SDK1: variants seen among roughly 807,000 people sequenced by gnomAD.
SDK1 encodes the protein protein sidekick-1.
Under a neutral mutation model 245.5 loss-of-function variants are expected in SDK1, and 157 were observed. That is an observed-to-expected ratio of 0.64 (90% CI 0.56 to 0.73). The LOEUF (loss-of-function observed/expected upper bound fraction) is 0.73, where lower values mean the gene tolerates loss of function less well. SDK1 is among the 30% of genes least tolerant of loss of function. The probability of loss-of-function intolerance (pLI) is 0.00; values close to 1 mark genes in which losing one functional copy is unlikely to be tolerated. For synonymous variants in SDK1, 1,647 were observed against 1,278.5 expected (o/e 1.29, Z -6.15); for missense variants, 3,583 against 3,002.3 (o/e 1.19, Z -4.52).
At chr7:3,677,538 A>T (rs1783943899) in intron 4 of SDK1, among the ~76,000 whole-genome samples, 1 of 152,176 alleles carries the variant, frequency 6.6e-6, no homozygotes, top group Admixed American at 6.5e-5. Context: ...TCACTACCAC[A>T]AGAATGGTAT....
chr7:3,417,088 C>A (rs868031042), intron 1 of SDK1, among the ~76,000 whole-genome samples: 1 of 152,078 alleles, frequency 6.6e-6, no homozygotes, highest in Non-Finnish European at 1.5e-5. Flanking sequence ...GCAGGAGAAT[C>A]CCCTGAACCC....
intron 5 of SDK1, among the ~76,000 whole-genome samples, chr7:3,887,410 T>C (rs10267786): frequency 0.22 from 33,016 of 152,112 alleles, 3,724 homozygotes; most frequent in Middle Eastern, 0.34. Flanking sequence ...CGTGGAGTAT[T>C]AGTGAACATG....
chr7:4,106,243 T>C (rs7777463), intron 22 of SDK1, among the ~76,000 whole-genome samples: 19,363 of 151,664 alleles, frequency 0.13, 2,106 homozygotes, highest in African/African-American at 0.3. Flanking sequence ...GCTCTCCTGG[T>C]GGGAAAGGAT....
At chr7:3,566,019 T>C (rs1583172697) in intron 1 of SDK1, among the ~76,000 whole-genome samples, 2 of 152,044 alleles carry the variant, frequency 1.3e-5, no homozygotes, top group Non-Finnish European at 1.5e-5. Flanking sequence ...ACGAAAGCAA[T>C]ATAATATCTA....
chr7:4,163,062 C>T lies in SDK1; in HGVS notation c.4800+1206C>T, dbSNP rs540700224. On this transcript the variant is annotated intron_variant, in intron 32 of 44. Coordinates refer to ENST00000404826, the MANE Select transcript of SDK1 (RefSeq NM_152744.4). ...GAGCTTGGCCTGGCAGCAGACACAA[C>T]AGATGGACAGGCAGGGGGCCAAGCA... 5.3e-5 allele frequency among the ~76,000 whole-genome samples: 8 copies of T among 152,290 alleles called. No homozygotes were observed. In the East Asian group the frequency reaches 1.5e-3, roughly 29 times the overall value.
chr7:3,355,325 A>G (rs1443848303), intron 1 of SDK1, among the ~76,000 whole-genome samples: 1 of 152,154 alleles, frequency 6.6e-6, no homozygotes, highest in East Asian at 1.9e-4. Context: ...TTGCAAATTT[A>G]TTTATTTAGA....
chr7:3,816,721 T>G (rs1779516903), intron 4 of SDK1, among the ~76,000 whole-genome samples: 1 of 152,178 alleles, frequency 6.6e-6, no homozygotes. Flanking sequence ...CTAAGGAAAG[T>G]TCATCAGTTT....
At chr7:3,714,063 C>T (rs573707236) in intron 4 of SDK1, among the ~76,000 whole-genome samples, 13 of 152,282 alleles carry the variant, frequency 8.5e-5, no homozygotes, top group African/African-American at 1.2e-4. Flanking sequence ...GGCAGCAAGT[C>T]GTGAGCCGGC....
chr7:3,863,483 C>G (rs999731140), intron 5 of SDK1, among the ~76,000 whole-genome samples: 2 of 152,166 alleles, frequency 1.3e-5, no homozygotes, highest in Admixed American at 1.3e-4. Flanking sequence ...TGTTATTAAG[C>G]ACATTCATAT....
At chr7:3,544,177 G>T (rs1457949262) in intron 1 of SDK1, among the ~76,000 whole-genome samples, 1 of 152,204 alleles carries the variant, frequency 6.6e-6, no homozygotes, top group Non-Finnish European at 1.5e-5. Flanking sequence ...GACTGCATAT[G>T]AATTTTCTAG....
intron 4 of SDK1, among the ~76,000 whole-genome samples, chr7:3,704,230 T>C (rs2038535078): frequency 6.6e-6 from 1 of 152,174 alleles, no homozygotes; most frequent in Non-Finnish European, 1.5e-5. Context: ...TTTGTTCTTT[T>C]TTTTATGGAT....
chr7:3,558,089 G>A (rs921217493), intron 1 of SDK1, among the ~76,000 whole-genome samples: 1 of 148,996 alleles, frequency 6.7e-6, no homozygotes, highest in African/African-American at 2.5e-5. Context: ...GATGCCACGT[G>A]GCATGCGTAA....
At chr7:3,818,292 G>C (rs1452257555) in intron 4 of SDK1, among the ~76,000 whole-genome samples, 1 of 152,116 alleles carries the variant, frequency 6.6e-6, no homozygotes, top group Non-Finnish European at 1.5e-5. Context: ...TGTGTCATCT[G>C]GAGCTATGTT....
chr7:3,644,836 T>C (rs1465572931), intron 4 of SDK1, among the ~76,000 whole-genome samples: 1 of 138,560 alleles, frequency 7.2e-6, no homozygotes, highest in East Asian at 2.1e-4. Context: ...GCAGGCAAGA[T>C]ACATTCTTGT....
intron 4 of SDK1, among the ~76,000 whole-genome samples, chr7:3,666,113 T>TA (rs1177659714): frequency 6.6e-6 from 1 of 152,194 alleles, no homozygotes; most frequent in African/African-American, 2.4e-5. Flanking sequence ...ATTCACCTCC[T>TA]AATCCAGTTA....
In SDK1 at chr7:3,841,573, CT is replaced by C. The variant is rs553320567; in HGVS notation, c.847+20001del. ...TATCAGATTATTTTTTTCTCTTTTTCTTTTTTTTTTTGAGACGGAGTTTTGC... is the reference window on the plus strand; with the variant it reads ...TATCAGATTATTTTTTTCTCTTTTTCTTTTTTTTTTGAGACGGAGTTTTGC... On this transcript the variant is annotated intron_variant, in intron 5 of 44. Coordinates refer to ENST00000404826, the MANE Select transcript of SDK1 (RefSeq NM_152744.4). Among the ~76,000 whole-genome samples the C allele has an allele frequency of 3.4e-4, 50 of 146,348 alleles. 1 individual carries two copies. Among genetic ancestry groups the C allele is most frequent in the Non-Finnish European group, 3.5e-4 (23 of 66,038 alleles).
intron 4 of SDK1, among the ~76,000 whole-genome samples, chr7:3,693,398 C>G (rs559349932): frequency 2.0e-5 from 3 of 152,000 alleles, no homozygotes; most frequent in Non-Finnish European, 4.4e-5. Flanking sequence ...ATGGACAGTT[C>G]AAAAAACATG....
At chr7:3,798,211 CTTTTTTT>C (rs71029699) in intron 4 of SDK1, among the ~76,000 whole-genome samples, 31 of 53,646 alleles carry the variant, frequency 5.8e-4, no homozygotes, top group African/African-American at 1.8e-3. Context: ...CCTTGGCACT[CTTTTTTT>C]TTTTTTTTTT....
At chr7:3,646,949 G>C (rs1782858288) in intron 4 of SDK1, among the ~76,000 whole-genome samples, 1 of 152,230 alleles carries the variant, frequency 6.6e-6, no homozygotes, top group South Asian at 2.1e-4. Flanking sequence ...AGGGACTTGG[G>C]GGAAGGAGGG....
Sources: allele counts gnomAD v4.1 joint callset (sites outside exome capture counted in the v4.1 genomes callset), GRCh38; gene constraint gnomAD v4.1.1; transcripts MANE v1.5; gene names NCBI Gene and HGNC (gene_info 2026-07-23, HGNC 2026-07-21).